TF: variants seen among roughly 807,000 people sequenced by gnomAD.
The protein encoded by TF is serotransferrin.
In TF, 55 loss-of-function variants were observed where a neutral mutation model predicts 82.4. That is an observed-to-expected ratio of 0.67 (90% CI 0.54 to 0.84). The LOEUF (loss-of-function observed/expected upper bound fraction) is 0.84, where lower values mean the gene tolerates loss of function less well. Ranked by LOEUF, TF falls within the 40% of genes least tolerant of loss-of-function variation. The pLI, the probability that TF is intolerant of heterozygous loss-of-function variation, is 0.00. For synonymous variants in TF, 332 were observed against 332.6 expected (o/e 1.00, Z 0.02); for missense variants, 737 against 868.4 (o/e 0.85, Z 1.90).
the TF span, among the ~76,000 whole-genome samples, chr3:133,697,290 A>G: frequency 6.6e-6 from 1 of 151,700 alleles, no homozygotes; most frequent in African/African-American, 2.4e-5. Flanking sequence ...TACAATTATT[A>G]CTCATTATTA....
At chr3:133,683,967 G>A in the TF span, among the ~76,000 whole-genome samples, 3 of 152,144 alleles carry the variant, frequency 2.0e-5, no homozygotes, top group Non-Finnish European at 2.9e-5. Flanking sequence ...GCTCTACTCA[G>A]CAAATGTAAA....
chr3:133,708,661 T>G, the TF span, among the ~76,000 whole-genome samples: 6 of 151,378 alleles, frequency 4.0e-5, no homozygotes, highest in Admixed American at 2.6e-4. Context: ...TGCAAACATA[T>G]ATATATAATT....
At chr3:133,664,300 A>G in the TF span, among the ~76,000 whole-genome samples, 2 of 151,946 alleles carry the variant, frequency 1.3e-5, no homozygotes, top group Admixed American at 1.3e-4. Flanking sequence ...CTTATATATA[A>G]CCTGTGCACA....
chr3:133,687,962 G>C, the TF span, among the ~76,000 whole-genome samples: 1 of 151,778 alleles, frequency 6.6e-6, no homozygotes, highest in Non-Finnish European at 1.5e-5. Flanking sequence ...TGAAATTGCT[G>C]TACTATATGC....
the TF span, among the ~76,000 whole-genome samples, chr3:133,686,833 TCCCATTACTGGGTATATA>T: frequency 6.6e-6 from 1 of 152,192 alleles, no homozygotes. Context: ...TACCCAACCA[TCCCATTACTGGGTATATA>T]CCCAAAGGAC....
rs146477698 is a variant in TF, at chr3:133,748,487, G to A, written c.119G>A (p.Ser40Asn). The A allele has an allele frequency of 2.2e-4, 357 of 1,614,178 alleles. No individual in the cohort carries two copies. Among genetic ancestry groups the A allele is most frequent in the Middle Eastern group, 1.3e-3 (8 of 6,062 alleles). ...VSEHEATKCQ[S>N]FRDHMKSVIP... ...GAGCATGAGGCCACTAAGTGCCAGAGTTTCCGCGACCATATGAAAAGCGTC... is the reference window on the plus strand; with the variant it reads ...GAGCATGAGGCCACTAAGTGCCAGAATTTCCGCGACCATATGAAAAGCGTC... Residue 40 changes from serine to asparagine, a missense_variant, in exon 2 of 17, where the codon AGT becomes AAT. Coordinates refer to ENST00000402696, the MANE Select transcript of TF (RefSeq NM_001063.4).
chr3:133,737,153 T>A, the TF span, among the ~76,000 whole-genome samples: 1 of 152,184 alleles, frequency 6.6e-6, no homozygotes, highest in African/African-American at 2.4e-5. Context: ...AACTCAGGAT[T>A]AAGAAACTCA....
chr3:133,763,609 G>A (rs913218022), intron 9 of TF, among the ~76,000 whole-genome samples: 1 of 152,192 alleles, frequency 6.6e-6, no homozygotes, highest in African/African-American at 2.4e-5. Flanking sequence ...TATATTGCCA[G>A]GCCAAAGGGA....
chr3:133,675,241 T>TAAA, the TF span, among the ~76,000 whole-genome samples: 1 of 41,240 alleles, frequency 2.4e-5, no homozygotes, highest in Non-Finnish European at 4.4e-5. Context: ...TGAGACTCTG[T>TAAA]CAAAAAAAAA....
At chr3:133,687,969 A>G in the TF span, among the ~76,000 whole-genome samples, 57 of 151,902 alleles carry the variant, frequency 3.8e-4, no homozygotes, top group East Asian at 5.0e-3. Flanking sequence ...GCTGTACTAT[A>G]TGCTAATTCT....
At chr3:133,724,644 A>G in the TF span, among the ~76,000 whole-genome samples, 3 of 152,104 alleles carry the variant, frequency 2.0e-5, no homozygotes, top group Non-Finnish European at 4.4e-5. Context: ...TGCTGTGCAG[A>G]AGCTCTTTAG....
the TF span, among the ~76,000 whole-genome samples, chr3:133,718,784 G>A: frequency 2.6e-5 from 4 of 152,220 alleles, no homozygotes; most frequent in South Asian, 4.1e-4. Context: ...AAGCAGGAAC[G>A]CTGAGGTGAA....
intron 3 of TF, chr3:133,754,188 G>A: frequency 2.2e-6 from 1 of 444,778 alleles, no homozygotes; most frequent in Admixed American, 3.5e-5. Flanking sequence ...CAGTTTCCTG[G>A]TGGCTGAGGT....
At chr3:133,679,448 G>A in the TF span, among the ~76,000 whole-genome samples, 2,067 of 152,062 alleles carry the variant, frequency 0.014, 41 homozygotes, top group African/African-American at 0.048. Context: ...CAAGATAAAT[G>A]ACATTTTCAT....
At position 133,783,200 on chromosome 3, in the gene TF, A is replaced by G. The variant is rs1029347991; in HGVS notation, c.*4580A>G. 2 of 152,230 alleles carry G rather than the reference A, an allele frequency of 1.3e-5. No homozygotes were observed. The highest frequency in any genetic ancestry group is 2.9e-5 in the Non-Finnish European group (2 of 68,044). 9.4% of individuals were successfully genotyped at this position (152,230 alleles called of 1,614,324 possible). The stretch of plus-strand genomic sequence containing the variant: ...ATGTTGTATACCTTAAATATATTCA[A>G]CGAAGCTTATTTTAAAAAATGAAAT... On this transcript the variant is annotated 3_prime_UTR_variant, in exon 17 of 17. Coordinates refer to ENST00000402696, the MANE Select transcript of TF (RefSeq NM_001063.4).
chr3:133,663,717 A>C, the TF span, among the ~76,000 whole-genome samples: 4 of 152,230 alleles, frequency 2.6e-5, no homozygotes, highest in East Asian at 7.7e-4. Flanking sequence ...CTGACACACC[A>C]CACTGCTCCT....
the TF span, among the ~76,000 whole-genome samples, chr3:133,726,768 C>G: frequency 6.6e-5 from 10 of 152,220 alleles, no homozygotes; most frequent in South Asian, 2.1e-3. Context: ...AATTTTGGAT[C>G]TTTCCTGCTT....
At position 133,783,451 on chromosome 3, in the gene TF, T is replaced by C. The variant is rs1194329321; in HGVS notation, c.*4831T>C. On this transcript the variant is annotated 3_prime_UTR_variant, in exon 17 of 17. Coordinates refer to ENST00000402696, the MANE Select transcript of TF (RefSeq NM_001063.4). ...CAACTTACCGGTTAAAGTAAAAACTTTCGAAACGTATAAAGGTTTAAATAT... is the reference window on the plus strand; with the variant it reads ...CAACTTACCGGTTAAAGTAAAAACTCTCGAAACGTATAAAGGTTTAAATAT... 1 of 152,160 alleles carries C rather than the reference T, an allele frequency of 6.6e-6. No homozygotes were observed. The highest frequency in any genetic ancestry group is 1.9e-4 in the East Asian group (1 of 5,194). The allele number at this position is 152,160 out of a possible 1,614,324, so 9.4% of individuals were successfully genotyped here. A position where few individuals can be genotyped will look rare whatever the true frequency, so the allele number is the denominator to read the frequency against.
At chr3:133,707,908 T>C in the TF span, among the ~76,000 whole-genome samples, 1 of 152,182 alleles carries the variant, frequency 6.6e-6, no homozygotes, top group African/African-American at 2.4e-5. Context: ...ATATTGGAAG[T>C]AAATGCAGTA....
Sources: gnomAD v4.1 joint callset for allele counts (sites outside exome capture counted in the v4.1 genomes callset) on GRCh38, gnomAD v4.1.1 for gene constraint, MANE v1.5 for transcripts, NCBI Gene and HGNC (gene_info 2026-07-23, HGNC 2026-07-21) for gene names.